The following SEC24D variants were observed in gnomAD, a reference collection of about 807,000 sequenced individuals.
SEC24D encodes the protein SEC24 homolog D, COPII component, also known as protein transport protein Sec24D.
SEC24D carries 69 observed loss-of-function variants against 116.9 expected under a neutral mutation model. That is an observed-to-expected ratio of 0.59 (90% CI 0.49 to 0.72). The LOEUF is 0.72. SEC24D is among the 30% of genes least tolerant of loss of function. SEC24D has a pLI of 0.00. For synonymous variants in SEC24D, 405 were observed against 442.8 expected (o/e 0.91, Z 1.07); for missense variants, 1,131 against 1,264.1 (o/e 0.89, Z 1.60).
At chr4:118,831,210 G>T (rs1730840609) in intron 2 of SEC24D, among the ~76,000 whole-genome samples, 1 of 152,042 alleles carries the variant, frequency 6.6e-6, no homozygotes, top group Non-Finnish European at 1.5e-5. Flanking sequence ...TATTTTTTTA[G>T]TAGAGACCGG....
At chr4:118,728,747 G>A in intron 21 of SEC24D, 97 bp from the exon 22 acceptor site, 1 of 724,674 alleles carries the variant, frequency 1.4e-6, no homozygotes. Flanking sequence ...ATAAAACCAT[G>A]TACTTGAACA....
chr4:118,731,304 A>G lies in SEC24D; in HGVS notation c.2868+12T>C, dbSNP rs759851198. 6.2e-7 allele frequency: 1 copy of G among 1,603,866 alleles called. No homozygotes were observed. Among genetic ancestry groups the G allele is most frequent in the Non-Finnish European group, 8.5e-7 (1 of 1,170,660 alleles). ...TTCATATTACCACAAAAGCAATGAAAATAATACTTACCATATCTGTGTTGA... is the reference window on the plus strand; with the variant it reads ...TTCATATTACCACAAAAGCAATGAAGATAATACTTACCATATCTGTGTTGA... On this transcript the variant is annotated intron_variant, in intron 21 of 22. Transcript: ENST00000280551.
At position 118,799,608 on chromosome 4, in the gene SEC24D, AAGATAAGGAGGTCAGAGGAGGAGG is replaced by A. The variant is rs146967932; in HGVS notation, c.914-1822_914-1799del. 7.2e-3 allele frequency among the ~76,000 whole-genome samples: 1,097 copies of A among 152,292 alleles called. 11 individuals carry two copies. Among genetic ancestry groups the A allele is most frequent in the Non-Finnish European group, 0.011 (756 of 68,012 alleles). On this transcript the variant is annotated intron_variant, in intron 7 of 22. Coordinates refer to ENST00000280551, the MANE Select transcript of SEC24D (RefSeq NM_014822.4). ...CAAGTACTGAGCCCTGGGGTCCTCC[AAGATAAGGAGGTCAGAGGAGGAGG>A]AGAAAGCAGCCAAAGGACTGAGAAG...
chr4:118,813,682 G>GT (rs1351793189), intron 6 of SEC24D, among the ~76,000 whole-genome samples: 1 of 152,244 alleles, frequency 6.6e-6, no homozygotes, highest in African/African-American at 2.4e-5. Context: ...TGGAGATTAA[G>GT]TTTCAACATG....
chr4:118,768,846 A>G (rs1727766661), intron 8 of SEC24D, among the ~76,000 whole-genome samples: 1 of 152,248 alleles, frequency 6.6e-6, no homozygotes, highest in African/African-American at 2.4e-5. Context: ...ATATATCAAT[A>G]TATGTATATT....
intron 3 of SEC24D, among the ~76,000 whole-genome samples, chr4:118,823,102 C>T (rs1730462868): frequency 6.6e-6 from 1 of 152,162 alleles, no homozygotes; most frequent in East Asian, 1.9e-4. Context: ...ACTGCTTGAA[C>T]CAGAAGAGGC....
chr4:118,802,833 AAAC>A (rs1316347975), intron 7 of SEC24D, among the ~76,000 whole-genome samples: 2 of 152,260 alleles, frequency 1.3e-5, no homozygotes, highest in Admixed American at 6.5e-5. Context: ...CAAAAGGTAG[AAAC>A]AACTCAAATG....
intron 8 of SEC24D, among the ~76,000 whole-genome samples, chr4:118,776,428 A>G (rs1483588575): frequency 6.6e-6 from 1 of 152,148 alleles, no homozygotes; most frequent in Non-Finnish European, 1.5e-5. Context: ...TCCTGGTGAG[A>G]GGGTATCTTT....
At chr4:118,746,165 T>A (rs1394208982) in intron 13 of SEC24D, among the ~76,000 whole-genome samples, 1 of 137,332 alleles carries the variant, frequency 7.3e-6, no homozygotes, top group Non-Finnish European at 1.5e-5. Flanking sequence ...GACAGCAAGA[T>A]CCTGTCTCAA....
intron 22 of SEC24D, among the ~76,000 whole-genome samples, chr4:118,728,102 A>T (rs1725499028): frequency 6.6e-6 from 1 of 152,190 alleles, no homozygotes; most frequent in Non-Finnish European, 1.5e-5. Context: ...TGGGTTCTAG[A>T]CATATTAAAA....
chr4:118,761,268 C>T (rs1727367108), intron 10 of SEC24D, among the ~76,000 whole-genome samples: 1 of 152,166 alleles, frequency 6.6e-6, no homozygotes, highest in African/African-American at 2.4e-5. Flanking sequence ...TAACTGTTGA[C>T]TGAGTGAATG....
chr4:118,726,933 C>G (rs1725446712), intron 22 of SEC24D, among the ~76,000 whole-genome samples: 1 of 152,184 alleles, frequency 6.6e-6, no homozygotes, highest in Admixed American at 6.5e-5. Context: ...TTTCTCCTAC[C>G]TAATCTTAAC....
intron 19 of SEC24D, among the ~76,000 whole-genome samples, chr4:118,734,921 C>G (rs1199418440): frequency 6.6e-6 from 1 of 152,140 alleles, no homozygotes; most frequent in East Asian, 1.9e-4. Context: ...ATAGATCGCC[C>G]CGATGCTATT....
At position 118,740,947 on chromosome 4, in the gene SEC24D, T is replaced by C; in HGVS notation, c.2086A>G (p.Ser696Gly). Residue 696 changes from serine to glycine, a missense_variant, in exon 16 of 23, where the codon AGC becomes GGC. Physicochemically the swap from Ser to Gly is moderately conservative, Grantham distance 56 (BLOSUM62 0). Transcript: ENST00000280551. Reference protein sequence around the residue: ...GFDAIMRVRTSTGFRATDFFG... With the variant: ...GFDAIMRVRTGTGFRATDFFG... ...TTGTATAAATGATAATTACCTGTGC[T>C]GGTACGAACCCTCATAATAGCATCA... is the stretch of plus-strand genomic sequence containing the variant. 6.3e-7 allele frequency: 1 copy of C among 1,599,514 alleles called. No individual in the cohort carries two copies. Among genetic ancestry groups the C allele is most frequent in the South Asian group, 1.1e-5 (1 of 89,422 alleles).
In SEC24D at chr4:118,815,692, A is replaced by AG. The variant is rs1453386286; in HGVS notation, c.431dup (p.Gly145TrpfsTer118). 2 of 1,614,098 alleles carry AG rather than the reference A, an allele frequency of 1.2e-6. No individual in the cohort carries two copies. The highest frequency in any genetic ancestry group is 1.1e-5 in the South Asian group (1 of 91,078). On this transcript the variant is annotated frameshift_variant, in exon 5 of 23. Transcript: ENST00000280551. LOFTEE classifies it high-confidence loss of function. ...GCAATGATGTGGCTGACAGAGGGCC[A>AG]GGGGGTCCCTGGCTTGGAGGAGCCA...
At position 118,733,010 on chromosome 4, in the gene SEC24D, T is replaced by C. The variant is rs1277004728; in HGVS notation, c.2497-98A>G. The C allele has an allele frequency of 1.7e-5, 19 of 1,092,170 alleles. No individual in the cohort carries two copies. In the Admixed American group the frequency reaches 2.0e-4, roughly 11 times the overall value. 67.7% of individuals were successfully genotyped at this position (1,092,170 alleles called of 1,614,324 possible). A position where few individuals can be genotyped will look rare whatever the true frequency, so the allele number is the denominator to read the frequency against. On this transcript the variant is annotated intron_variant, in intron 19 of 22. Coordinates refer to ENST00000280551, the MANE Select transcript of SEC24D (RefSeq NM_014822.4). ...ACTGAAACATTATTTGCTTCTGAAC[T>C]TGTAAGGATGTAAGGATTAACTGGT...
chr4:118,724,316 A>T (rs925899620), intron 22 of SEC24D, among the ~76,000 whole-genome samples: 2 of 152,120 alleles, frequency 1.3e-5, no homozygotes, highest in Non-Finnish European at 2.9e-5. Flanking sequence ...TTTGCTCATC[A>T]TGATTCTCTA....
intron 6 of SEC24D, among the ~76,000 whole-genome samples, chr4:118,814,537 C>G (rs1315592482): frequency 6.6e-6 from 1 of 152,048 alleles, no homozygotes; most frequent in African/African-American, 2.4e-5. Flanking sequence ...TAAAGAGTAA[C>G]CCTCCAAAGA....
intron 2 of SEC24D, 53 bp from the exon 3 acceptor site, chr4:118,824,802 A>G: frequency 3.4e-6 from 5 of 1,478,342 alleles, no homozygotes; most frequent in Non-Finnish European, 3.6e-6. Context: ...AAGAGAGATG[A>G]GGCAAAGTCA....
Sources: gnomAD v4.1 joint callset for allele counts (sites outside exome capture counted in the v4.1 genomes callset) on GRCh38, gnomAD v4.1.1 for gene constraint, MANE v1.5 for transcripts, NCBI Gene and HGNC (gene_info 2026-07-23, HGNC 2026-07-21) for gene names.